GRIN2A: variants seen among roughly 807,000 people sequenced by gnomAD.
GRIN2A encodes glutamate receptor ionotropic, NMDA 2A.
In GRIN2A, 22 loss-of-function variants were observed where a neutral mutation model predicts 113.4. The ratio of observed to expected loss-of-function variants is 0.19; its 90% CI spans 0.14 to 0.28. The LOEUF (loss-of-function observed/expected upper bound fraction) is 0.28, where lower values mean the gene tolerates loss of function less well. GRIN2A is among the 10% of genes least tolerant of loss of function. GRIN2A has a pLI of 1.00. For synonymous variants in GRIN2A, 827 were observed against 738.4 expected (o/e 1.12, Z -1.94); for missense variants, 1,502 against 1,887.0 (o/e 0.80, Z 3.78).
Position 9,756,363 on chromosome 16 carries a change from G to A in GRIN2A, c.*6786C>T, listed in dbSNP as rs558886473. The A allele has an allele frequency of 1.3e-4, 30 of 230,546 alleles. No individual in the cohort carries two copies. Among genetic ancestry groups the A allele is most frequent in the Admixed American group, 2.8e-4 (5 of 17,664 alleles). 14.3% of individuals were successfully genotyped at this position (230,546 alleles called of 1,614,324 possible). A position where few individuals can be genotyped will look rare whatever the true frequency, so the allele number is the denominator to read the frequency against. On this transcript the variant is annotated 3_prime_UTR_variant, in exon 13 of 13. Coordinates refer to ENST00000330684, the MANE Select transcript of GRIN2A (RefSeq NM_001134407.3). ...AGTCTCAGAAGGAACTATGAACAGAGGTGAGATCCCCAGAAGTTCTCCATA... is the reference window on the plus strand; with the variant it reads ...AGTCTCAGAAGGAACTATGAACAGAAGTGAGATCCCCAGAAGTTCTCCATA...
intron 4 of GRIN2A, among the ~76,000 whole-genome samples, chr16:9,867,362 C>T (rs951491082): frequency 3.9e-5 from 6 of 152,194 alleles, no homozygotes; most frequent in Non-Finnish European, 5.9e-5. Context: ...GCAAAGCTGC[C>T]AGCTCCAGCC....
rs921112686 is a variant in GRIN2A, at chr16:10,110,027, A to G, written c.414+69971T>C. On this transcript the variant is annotated intron_variant, in intron 2 of 12. Coordinates refer to ENST00000330684, the MANE Select transcript of GRIN2A (RefSeq NM_001134407.3). The stretch of plus-strand genomic sequence containing the variant: ...TAACTCGTCATCTAGCATTAGCTAT[A>G]TCTCCTAATGCTATCCCTCCCCCAT... 2.4e-4 allele frequency among the ~76,000 whole-genome samples: 36 copies of G among 152,208 alleles called. No individual in the cohort carries two copies. In the South Asian group the frequency reaches 3.5e-3, roughly 15 times the overall value.
intron 12 of GRIN2A, among the ~76,000 whole-genome samples, chr16:9,765,370 C>T (rs1289850418): frequency 6.6e-6 from 1 of 152,210 alleles, no homozygotes; most frequent in Non-Finnish European, 1.5e-5. Context: ...TAACTACTGA[C>T]AAACACAGTC....
intron 3 of GRIN2A, among the ~76,000 whole-genome samples, chr16:9,897,905 G>T (rs9921541): frequency 0.29 from 44,717 of 151,938 alleles, 7,811 homozygotes; most frequent in African/African-American, 0.48. Context: ...CAGAGCTGGT[G>T]CTGAACATGT....
At chr16:9,953,727 G>A (rs554512438) in intron 2 of GRIN2A, among the ~76,000 whole-genome samples, 4 of 152,304 alleles carry the variant, frequency 2.6e-5, no homozygotes, top group East Asian at 3.9e-4. Flanking sequence ...AGCCACGGGA[G>A]TAGAGAGCTT....
In GRIN2A at chr16:9,764,753, T is replaced by C. The variant is rs1393475387; in HGVS notation, c.2791A>G (p.Ile931Val). ...CCCTTATCTGAAACCATGTCCATGA[T>C]GAGGGAACCTCTTTGGATGAAGTCA... is the stretch of plus-strand genomic sequence containing the variant. ...AADFIQRGSL[I>V]MDMVSDKGNL... The change falls in exon 13 of 13, where the codon ATC becomes GTC. Residue 931 changes from isoleucine (I) to valine (V), a missense_variant. Ile to Val is a conservative substitution (Grantham distance 29). Coordinates refer to ENST00000330684, the MANE Select transcript of GRIN2A (RefSeq NM_001134407.3). 1 of 1,614,236 alleles carries C rather than the reference T, an allele frequency of 6.2e-7. No homozygotes were observed. Among genetic ancestry groups the C allele is most frequent in the Non-Finnish European group, 8.5e-7 (1 of 1,180,014 alleles).
chr16:10,017,104 C>T (rs561921501), intron 2 of GRIN2A, among the ~76,000 whole-genome samples: 1 of 152,250 alleles, frequency 6.6e-6, no homozygotes, highest in East Asian at 1.9e-4. Flanking sequence ...GAGTCCAGAG[C>T]CGACAATGAG....
intron 2 of GRIN2A, among the ~76,000 whole-genome samples, chr16:10,071,108 T>A (rs1442818454): frequency 6.6e-6 from 1 of 152,170 alleles, no homozygotes; most frequent in African/African-American, 2.4e-5. Flanking sequence ...TTAAAATTGA[T>A]AAACCAGCTT....
At chr16:10,031,086 C>A (rs541191300) in intron 2 of GRIN2A, among the ~76,000 whole-genome samples, 1 of 152,288 alleles carries the variant, frequency 6.6e-6, no homozygotes, top group South Asian at 2.1e-4. Flanking sequence ...AAGAAGCCTA[C>A]GCTGGAATCG....
chr16:10,179,874 ACCCT>A, intron 2 of GRIN2A, 120 bp downstream of exon 2: 7 of 629,320 alleles, frequency 1.1e-5, no homozygotes, highest in East Asian at 1.1e-4. Context: ...AGTGGCCACG[ACCCT>A]CCCACCCCCA....
At position 9,919,636 on chromosome 16, in the gene GRIN2A, A is replaced by G. The variant is rs61672049; in HGVS notation, c.1007+18323T>C. On this transcript the variant is annotated intron_variant, in intron 3 of 12. Transcript: ENST00000330684. ...AGAAAAAGTGAATGAGGCTCCAGATACAACTTGGGCAAGCTCAGAGGTCAC... is the reference window on the plus strand; with the variant it reads ...AGAAAAAGTGAATGAGGCTCCAGATGCAACTTGGGCAAGCTCAGAGGTCAC... Among the ~76,000 whole-genome samples, 220 of 152,344 alleles carry G rather than the reference A, an allele frequency of 1.4e-3. 3 individuals carry two copies. In the East Asian group the frequency reaches 0.036, roughly 25 times the overall value.
chr16:9,994,166 T>C (rs566510553), intron 2 of GRIN2A, among the ~76,000 whole-genome samples: 13 of 152,284 alleles, frequency 8.5e-5, no homozygotes, highest in Middle Eastern at 3.4e-3. Flanking sequence ...GAATGAATGA[T>C]CTAGATCTTC....
chr16:10,099,849 C>T (rs1267032750), intron 2 of GRIN2A, among the ~76,000 whole-genome samples: 4 of 152,118 alleles, frequency 2.6e-5, no homozygotes, highest in African/African-American at 9.7e-5. Context: ...CTGCTCATTC[C>T]GTGAAGTTCC....
chr16:9,943,580 C>G (rs1377177688), intron 2 of GRIN2A, among the ~76,000 whole-genome samples: 1 of 152,154 alleles, frequency 6.6e-6, no homozygotes, highest in Non-Finnish European at 1.5e-5. Context: ...CCATCCACAC[C>G]CATTATCTCT....
At chr16:9,816,859 T>C (rs936459067) in intron 10 of GRIN2A, among the ~76,000 whole-genome samples, 4 of 152,206 alleles carry the variant, frequency 2.6e-5, no homozygotes, top group African/African-American at 9.7e-5. Context: ...GCACCTATTC[T>C]GATTCAGACT....
intron 2 of GRIN2A, among the ~76,000 whole-genome samples, chr16:9,974,998 A>T (rs1417560822): frequency 6.6e-6 from 1 of 152,258 alleles, no homozygotes; most frequent in East Asian, 1.9e-4. Context: ...CCTTTATTGG[A>T]TATACTTCTA....
chr16:9,772,232 A>T (rs1901315819), intron 11 of GRIN2A, among the ~76,000 whole-genome samples: 1 of 152,184 alleles, frequency 6.6e-6, no homozygotes. Flanking sequence ...GTCCACCAAC[A>T]CTATCTCAAA....
At chr16:10,064,895 G>A (rs1189860317) in intron 2 of GRIN2A, among the ~76,000 whole-genome samples, 1 of 152,160 alleles carries the variant, frequency 6.6e-6, no homozygotes, top group East Asian at 1.9e-4. Flanking sequence ...CACGGTCAGT[G>A]CATTCATCCA....
At chr16:9,950,333 T>C (rs1387700335) in intron 2 of GRIN2A, among the ~76,000 whole-genome samples, 1 of 152,118 alleles carries the variant, frequency 6.6e-6, no homozygotes, top group Admixed American at 6.5e-5. Context: ...ATCTTTAGTC[T>C]TGCAGGTGGT....
Sources: allele counts gnomAD v4.1 joint callset (sites outside exome capture counted in the v4.1 genomes callset), GRCh38; gene constraint gnomAD v4.1.1; transcripts MANE v1.5; gene names NCBI Gene and HGNC (gene_info 2026-07-23, HGNC 2026-07-21).